NHSL1: variants seen among roughly 807,000 people sequenced by gnomAD.
NHSL1 encodes the protein NHS-like protein 1.
A neutral mutation model predicts 95.0 loss-of-function variants in NHSL1; 48 were observed. The observed-to-expected ratio is 0.51, with a 90% CI of 0.40 to 0.64. The LOEUF (loss-of-function observed/expected upper bound fraction) is 0.64. Among genes scored for constraint, NHSL1 ranks in the 30% least tolerant of loss-of-function variants. The pLI, the probability that NHSL1 is intolerant of heterozygous loss-of-function variation, is 0.00. For synonymous variants in NHSL1, 783 were observed against 833.9 expected (o/e 0.94, Z 1.05); for missense variants, 1,971 against 2,077.7 (o/e 0.95, Z 1.00).
At chr6:138,612,831 T>A (rs1410247784) in intron 1 of NHSL1, among the ~76,000 whole-genome samples, 1 of 152,202 alleles carries the variant, frequency 6.6e-6, no homozygotes, top group Non-Finnish European at 1.5e-5. Flanking sequence ...AATGATTTAG[T>A]TTTTTCAAAA....
chr6:138,532,133 G>A (rs1390519420), intron 1 of NHSL1, among the ~76,000 whole-genome samples: 1 of 152,228 alleles, frequency 6.6e-6, no homozygotes, highest in Non-Finnish European at 1.5e-5. Context: ...AGCAATAGGG[G>A]AGAAGCAGAT....
At chr6:138,565,836 AG>A (rs1332615488) in intron 1 of NHSL1, among the ~76,000 whole-genome samples, 1 of 151,842 alleles carries the variant, frequency 6.6e-6, no homozygotes, top group African/African-American at 2.4e-5. Context: ...CTAGCTACTC[AG>A]GAGGCTGAGC....
chr6:138,545,654 T>C, exon 1 of NHSL1: 1 of 1,289,362 alleles, frequency 7.8e-7, no homozygotes, highest in Non-Finnish European at 1.0e-6. Context: ...AGCAGTTCCA[T>C]GGAGGGGCTG....
At chr6:138,602,521 T>A (rs1428552571) in intron 1 of NHSL1, among the ~76,000 whole-genome samples, 1 of 152,144 alleles carries the variant, frequency 6.6e-6, no homozygotes, top group East Asian at 1.9e-4. Flanking sequence ...TTTGTATTTT[T>A]AGTAGAGAAG....
intron 3 of NHSL1, among the ~76,000 whole-genome samples, chr6:138,467,854 A>G (rs1052052552): frequency 6.6e-6 from 1 of 152,252 alleles, no homozygotes; most frequent in African/African-American, 2.4e-5. Context: ...AAAAAATTTA[A>G]AAGCTTACAA....
At chr6:138,683,537 T>C (rs1426567578) in intron 1 of NHSL1, among the ~76,000 whole-genome samples, 1 of 152,256 alleles carries the variant, frequency 6.6e-6, no homozygotes, top group Non-Finnish European at 1.5e-5. Flanking sequence ...GAGAGGTTTC[T>C]AAACAAAGAG....
At chr6:138,610,719 A>C (rs755381818) in intron 1 of NHSL1, among the ~76,000 whole-genome samples, 1 of 151,928 alleles carries the variant, frequency 6.6e-6, no homozygotes, top group Non-Finnish European at 1.5e-5. Flanking sequence ...GTCCACACTT[A>C]CTCATCTATT....
intron 1 of NHSL1, among the ~76,000 whole-genome samples, chr6:138,648,612 C>T (rs1475709968): frequency 6.6e-6 from 1 of 152,188 alleles, no homozygotes; most frequent in East Asian, 1.9e-4. Flanking sequence ...AAAGCTTAGG[C>T]CTGGAACTTG....
chr6:138,580,013 A>G (rs1379375642), intron 1 of NHSL1, among the ~76,000 whole-genome samples: 1 of 152,226 alleles, frequency 6.6e-6, no homozygotes, highest in Admixed American at 6.5e-5. Flanking sequence ...ACTTTTAATA[A>G]TCTATTAACA....
chr6:138,433,612 C>T lies in NHSL1; in HGVS notation c.733G>A (p.Gly245Arg). The T allele has an allele frequency of 6.4e-7, 1 of 1,552,130 alleles. No individual in the cohort carries two copies. Among genetic ancestry groups the T allele is most frequent in the Non-Finnish European group, 8.7e-7 (1 of 1,147,082 alleles). Residue 245 changes from glycine (G) to arginine (R), a missense_variant, in exon 6 of 8, where the codon GGA becomes AGA. Coordinates refer to ENST00000343505, the MANE Select transcript of NHSL1 (RefSeq NM_001144060.2). ...VYTPDHYSTL[G>R]RFNSCRSAGQ... ...GCAGACCGACAGCTATTGAACCTTC[C>T]TAGTGTAGAGTAGTGATCAGGGGTG...
intron 1 of NHSL1, among the ~76,000 whole-genome samples, chr6:138,522,116 T>C (rs1009387831): frequency 9.2e-5 from 14 of 152,318 alleles, no homozygotes; most frequent in African/African-American, 3.4e-4. Flanking sequence ...TGTGATACTG[T>C]GGAGCCAGAA....
intron 5 of NHSL1, 38 bp downstream of exon 5, chr6:138,441,945 A>T (rs1257792114): frequency 6.5e-7 from 1 of 1,526,894 alleles, no homozygotes; most frequent in East Asian, 2.5e-5. Context: ...GCCGAGCAGC[A>T]GTGAAGGGCA....
At chr6:138,545,177 A>C (rs1436563706) in intron 1 of NHSL1, among the ~76,000 whole-genome samples, 1 of 151,804 alleles carries the variant, frequency 6.6e-6, no homozygotes, top group Non-Finnish European at 1.5e-5. Flanking sequence ...TCTATAGTCA[A>C]ATTAATTTCA....
chr6:138,534,545 T>C (rs1782261577), intron 1 of NHSL1, among the ~76,000 whole-genome samples: 1 of 152,200 alleles, frequency 6.6e-6, no homozygotes, highest in Non-Finnish European at 1.5e-5. Flanking sequence ...AACAGATATA[T>C]GCATACAAAT....
chr6:138,431,548 G>A lies in NHSL1; in HGVS notation c.2797C>T (p.Pro933Ser). The change falls in exon 6 of 8, where the codon CCT (proline) becomes TCT (serine). Residue 933 changes from proline to serine, a missense_variant. Transcript: ENST00000343505. This position sits in a 1 kb window ranked among gnomAD's most constrained non-coding sequence, Gnocchi z 4.0. Reference sequence around the variant, plus strand: ...GGGAATGGAGGAGAGGGAACAGGAGGAGGAGGAGGAGCCGGGGGAGAGCCC... The same window carrying A: ...GGGAATGGAGGAGAGGGAACAGGAGAAGGAGGAGGAGCCGGGGGAGAGCCC... Reference protein sequence around the residue: ...AVGSPPAPPPPPVPSPPFPCP... With the variant: ...AVGSPPAPPPSPVPSPPFPCP... 6.4e-7 allele frequency: 1 copy of A among 1,551,032 alleles called. No homozygotes were observed. Among genetic ancestry groups the A allele is most frequent in the Non-Finnish European group, 8.7e-7 (1 of 1,146,556 alleles).
intron 5 of NHSL1, among the ~76,000 whole-genome samples, chr6:138,438,390 C>A (rs1454112543): frequency 6.6e-6 from 1 of 152,126 alleles, no homozygotes; most frequent in Non-Finnish European, 1.5e-5. Flanking sequence ...ACTTAGTAGA[C>A]CACAGCACAG....
chr6:138,504,075 CA>C (rs68018715), upstream of NHSL1, among the ~76,000 whole-genome samples: 144 of 129,850 alleles, frequency 1.1e-3, no homozygotes, highest in African/African-American at 3.6e-3. Flanking sequence ...CCCAAAAATA[CA>C]AAAAAAATAT....
intron 1 of NHSL1, among the ~76,000 whole-genome samples, chr6:138,571,204 C>T (rs1053531626): frequency 9.9e-5 from 15 of 152,166 alleles, no homozygotes; most frequent in African/African-American, 3.1e-4. Flanking sequence ...TGTTAAGCCC[C>T]TTGCGTGTTC....
At chr6:138,466,041 TG>T (rs71009586) in intron 3 of NHSL1, among the ~76,000 whole-genome samples, 2,493 of 125,570 alleles carry the variant, frequency 0.02, 96 homozygotes, top group African/African-American at 0.069. Flanking sequence ...CACTCCTTTT[TG>T]GGGGGGGGGC....
Sources: gnomAD v4.1 joint callset for allele counts (sites outside exome capture counted in the v4.1 genomes callset) on GRCh38, gnomAD v4.1.1 for gene constraint, Gnocchi (gnomAD v3.1) non-coding constraint, MANE v1.5 for transcripts, NCBI Gene and HGNC (gene_info 2026-07-23, HGNC 2026-07-21) for gene names.